The following IPMK variants were observed in gnomAD, a reference collection of about 807,000 sequenced individuals.
The protein encoded by IPMK is inositol 1,3,4,6-tetrakisphosphate 5-kinase.
A neutral mutation model predicts 45.8 loss-of-function variants in IPMK; 17 were observed. That is an observed-to-expected ratio of 0.37 (90% CI 0.25 to 0.56). The LOEUF (loss-of-function observed/expected upper bound fraction) is 0.56. IPMK is among the 20% of genes least tolerant of loss of function. The pLI is 0.79. For missense variants in IPMK, 399 were observed against 498.0 expected (o/e 0.80, Z 1.89); for synonymous variants, 180 against 184.3 (o/e 0.98, Z 0.19).
chr10:58,255,601 C>T (rs1838953683), intron 1 of IPMK, among the ~76,000 whole-genome samples: 2 of 151,936 alleles, frequency 1.3e-5, no homozygotes, highest in South Asian at 4.2e-4. Flanking sequence ...AGGGGATCTT[C>T]TATTCTGCCA....
chr10:58,222,166 A>T (rs1263624013), intron 3 of IPMK, among the ~76,000 whole-genome samples: 2 of 152,188 alleles, frequency 1.3e-5, no homozygotes, highest in Non-Finnish European at 2.9e-5. Flanking sequence ...ATTACAGGTG[A>T]GAGCCAATGT....
chr10:58,222,459 C>A (rs1295747322), intron 3 of IPMK, among the ~76,000 whole-genome samples: 1 of 152,130 alleles, frequency 6.6e-6, no homozygotes, highest in Non-Finnish European at 1.5e-5. Context: ...ATTTAGGACT[C>A]TTATGAAGTG....
Position 58,224,051 on chromosome 10 carries a change from A to G in IPMK, c.373+2992T>C, listed in dbSNP as rs1838376800. Among the ~76,000 whole-genome samples, 6 of 152,196 alleles carry G rather than the reference A, an allele frequency of 3.9e-5. No homozygotes were observed. In the South Asian group the frequency reaches 1.2e-3, roughly 31 times the overall value. ...ATACAATAAGACCTTTCTTTTCCACATCAATCTTCAGCTATTTCTGAGAAC... is the reference window on the plus strand; with the variant it reads ...ATACAATAAGACCTTTCTTTTCCACGTCAATCTTCAGCTATTTCTGAGAAC... On this transcript the variant is annotated intron_variant, in intron 3 of 5. Transcript: ENST00000373935.
Position 58,216,216 on chromosome 10 carries a change from C to T in IPMK, c.475G>A (p.Glu159Lys), listed in dbSNP as rs760138671. 1.9e-6 allele frequency: 3 copies of T among 1,612,258 alleles called. No individual in the cohort carries two copies. The highest frequency in any genetic ancestry group is 2.5e-6 in the Non-Finnish European group (3 of 1,179,024). Residue 159 changes from glutamate (E) to lysine (K), a missense_variant, in exon 4 of 6, where the codon GAG (glutamate) becomes AAG (lysine). Coordinates refer to ENST00000373935, the MANE Select transcript of IPMK (RefSeq NM_152230.5). ...TTGCTGACCTGTTGCTGAATCTTCT[C>T]AGATGAGGCAAAAGGATCATAGCTT... ...QKSYDPFASS[E>K]KIQQQVSKYP...
At chr10:58,221,743 T>C (rs1279303936) in intron 3 of IPMK, among the ~76,000 whole-genome samples, 2 of 151,570 alleles carry the variant, frequency 1.3e-5, no homozygotes, top group Non-Finnish European at 2.9e-5. Context: ...TTTTTTTCTT[T>C]TCTTTTCTCT....
At chr10:58,263,635 C>T (rs1839107093) in intron 1 of IPMK, among the ~76,000 whole-genome samples, 1 of 152,068 alleles carries the variant, frequency 6.6e-6, no homozygotes, top group Admixed American at 6.6e-5. Flanking sequence ...CAGTGAACTA[C>T]ATCACGCCAC....
intron 1 of IPMK, 63 bp downstream of exon 1, chr10:58,267,359 C>A: frequency 1.3e-6 from 2 of 1,559,306 alleles, no homozygotes; most frequent in Non-Finnish European, 1.8e-6. Flanking sequence ...TAGGCTGCCT[C>A]CGCTGACAGG....
chr10:58,256,033 G>A (rs1178320202), intron 1 of IPMK, among the ~76,000 whole-genome samples: 1 of 152,020 alleles, frequency 6.6e-6, no homozygotes, highest in Non-Finnish European at 1.5e-5. Context: ...GTCACCTCAG[G>A]ACCCTGGATT....
intron 4 of IPMK, among the ~76,000 whole-genome samples, chr10:58,202,708 G>A (rs1336897348): frequency 6.6e-6 from 1 of 152,100 alleles, no homozygotes; most frequent in Non-Finnish European, 1.5e-5. Context: ...TGGGCTCAAA[G>A]CCTGGATGAC....
At chr10:58,220,441 A>AGTTTAAAGCAACTGCTTTAG (rs1380000841) in intron 3 of IPMK, among the ~76,000 whole-genome samples, 2 of 152,200 alleles carry the variant, frequency 1.3e-5, no homozygotes, top group Non-Finnish European at 2.9e-5. Flanking sequence ...GAGATGATAA[A>AGTTTAAAGCAACTGCTTTAG]GTTTAAAGCA....
chr10:58,213,036 T>A (rs1170207705), intron 4 of IPMK: 3 of 154,278 alleles, frequency 1.9e-5, no homozygotes, highest in Admixed American at 1.3e-4. Context: ...TAAACAATCA[T>A]GATGGCAGCT....
chr10:58,240,497 C>G (rs949892734), intron 1 of IPMK, among the ~76,000 whole-genome samples: 5 of 151,870 alleles, frequency 3.3e-5, no homozygotes, highest in Non-Finnish European at 7.4e-5. Flanking sequence ...TCTGGGCTTT[C>G]AAGTTTCCAC....
intron 2 of IPMK, among the ~76,000 whole-genome samples, chr10:58,230,519 GATAACC>G (rs1474975157): frequency 1.1e-4 from 16 of 152,202 alleles, no homozygotes; most frequent in African/African-American, 3.9e-4. Flanking sequence ...CTCCACTGGT[GATAACC>G]AGGCAAACGG....
intron 1 of IPMK, among the ~76,000 whole-genome samples, chr10:58,266,207 GAGAATAC>G (rs1310330164): frequency 2.7e-5 from 2 of 73,502 alleles, no homozygotes; most frequent in Admixed American, 2.2e-4. Context: ...AAGGCTATGA[GAGAATAC>G]AGATTCTCTC....
chr10:58,225,531 T>C (rs1450670911), intron 3 of IPMK, among the ~76,000 whole-genome samples: 4 of 152,138 alleles, frequency 2.6e-5, no homozygotes, highest in Non-Finnish European at 5.9e-5. Flanking sequence ...AATTAAAATG[T>C]TTCTTCTCTT....
chr10:58,209,270 T>G (rs960383908), intron 4 of IPMK, among the ~76,000 whole-genome samples: 6 of 152,130 alleles, frequency 3.9e-5, no homozygotes, highest in Non-Finnish European at 7.4e-5. Context: ...AAGGACCTCT[T>G]CTCCAAGGTC....
rs1839029810 is a variant in IPMK at position 58,259,678 on chromosome 10, A to AACAAAAAAAAAAAAC, written c.190+7743_190+7744insGTTTTTTTTTTTTGT. Among the ~76,000 whole-genome samples, 6 of 144,498 alleles carry AACAAAAAAAAAAAAC rather than the reference A, an allele frequency of 4.2e-5. 1 individual carries two copies. Among genetic ancestry groups the AACAAAAAAAAAAAAC allele is most frequent in the Admixed American group, 4.1e-4 (6 of 14,516 alleles). The allele number at this position is 144,498 out of a possible 152,430, so 94.8% of individuals were successfully genotyped here. A position where few individuals can be genotyped will look rare whatever the true frequency, so the allele number is the denominator to read the frequency against. ...TAAAATCCCATCTCTACATAAAAAA[A>AACAAAAAAAAAAAAC]AAAAAAAAACAATTAGCCAGGCATG... On this transcript the variant is annotated intron_variant, in intron 1 of 5. Transcript: ENST00000373935.
intron 2 of IPMK, among the ~76,000 whole-genome samples, chr10:58,229,781 C>T (rs577322767): frequency 6.4e-4 from 98 of 152,122 alleles, no homozygotes; most frequent in African/African-American, 2.3e-3. Context: ...CCAGTGTGAT[C>T]GACGCAGAAG....
intron 1 of IPMK, among the ~76,000 whole-genome samples, chr10:58,254,956 A>C (rs933638949): frequency 6.6e-6 from 1 of 152,248 alleles, no homozygotes; most frequent in African/African-American, 2.4e-5. Flanking sequence ...CTGCCACAGA[A>C]CTACATTGCT....
Sources: gnomAD v4.1 joint callset for allele counts (sites outside exome capture counted in the v4.1 genomes callset) on GRCh38, gnomAD v4.1.1 for gene constraint, MANE v1.5 for transcripts, NCBI Gene and HGNC (gene_info 2026-07-23, HGNC 2026-07-21) for gene names.